The following PRELID2 variants were observed in gnomAD, a reference collection of about 807,000 sequenced individuals.
PRELID2 encodes the protein PRELI domain containing 2.
In PRELID2, 25 loss-of-function variants were observed where a neutral mutation model predicts 28.4. The observed-to-expected ratio is 0.88, with a 90% CI of 0.64 to 1.23. The LOEUF (loss-of-function observed/expected upper bound fraction) is 1.23, where lower values mean the gene tolerates loss of function less well. PRELID2 is among the 50% of genes most tolerant of loss of function. The pLI is 0.00. For missense variants in PRELID2, 201 were observed against 214.4 expected, an observed-to-expected ratio of 0.94 and a Z score of 0.39; for synonymous variants, 76 against 71.6, an observed-to-expected ratio of 1.06 and a Z score of -0.31.
chr5:145,502,103 T>C (rs1264259130), intron 1 of PRELID2, among the ~76,000 whole-genome samples: 2 of 152,060 alleles, frequency 1.3e-5, no homozygotes, highest in African/African-American at 2.4e-5. Context: ...AAAAGAGGTT[T>C]AATTGGCTCA....
At chr5:145,364,724 A>C in the PRELID2 span, among the ~76,000 whole-genome samples, 1 of 151,942 alleles carries the variant, frequency 6.6e-6, no homozygotes, top group Non-Finnish European at 1.5e-5. Flanking sequence ...ATTCTATGGT[A>C]TATGCAGACA....
the PRELID2 span, among the ~76,000 whole-genome samples, chr5:145,427,817 T>C: frequency 2.0e-5 from 3 of 152,140 alleles, no homozygotes; most frequent in African/African-American, 7.2e-5. Flanking sequence ...GAAGTTTAGA[T>C]TAGACGATAT....
chr5:145,835,293 G>A lies in PRELID2; in HGVS notation c.-42C>T, dbSNP rs1247853100. On this transcript the variant is annotated 5_prime_UTR_variant, in exon 1 of 7. Coordinates refer to ENST00000683046, the MANE Select transcript of PRELID2 (RefSeq NM_205846.3). Reference sequence around the variant, plus strand: ...CCCCGCGCACCGGCCACGCCTCCGCGAGCTCAGAGCTGCCCAGGGCTCCGC... The same window carrying A: ...CCCCGCGCACCGGCCACGCCTCCGCAAGCTCAGAGCTGCCCAGGGCTCCGC... The A allele has an allele frequency of 1.4e-6, 2 of 1,398,802 alleles. No homozygotes were observed. Among genetic ancestry groups the A allele is most frequent in the Non-Finnish European group, 2.0e-6 (2 of 1,013,676 alleles). The allele number at this position is 1,398,802 out of a possible 1,614,324, so 86.6% of individuals were successfully genotyped here.
intron 1 of PRELID2, among the ~76,000 whole-genome samples, chr5:145,725,006 GT>G (rs1561559252): frequency 6.6e-6 from 1 of 151,734 alleles, no homozygotes; most frequent in African/African-American, 2.4e-5. Context: ...GCCTCCCAAC[GT>G]GCTGGGATTA....
At chr5:145,296,399 T>C in the PRELID2 span, among the ~76,000 whole-genome samples, 3 of 139,016 alleles carry the variant, frequency 2.2e-5, no homozygotes, top group African/African-American at 7.9e-5. Flanking sequence ...TGTCCATGTG[T>C]TCTCATTGTT....
At chr5:145,820,766 A>C (rs1394514623) in intron 2 of PRELID2, among the ~76,000 whole-genome samples, 1 of 152,176 alleles carries the variant, frequency 6.6e-6, no homozygotes, top group African/African-American at 2.4e-5. Flanking sequence ...CAGGAGTGAA[A>C]GTTTATTTAA....
At chr5:145,247,199 G>C in the PRELID2 span, among the ~76,000 whole-genome samples, 1 of 152,038 alleles carries the variant, frequency 6.6e-6, no homozygotes, top group Non-Finnish European at 1.5e-5. Flanking sequence ...CTTTGACCCC[G>C]TTTGATTCCA....
At chr5:145,374,637 CT>C in the PRELID2 span, among the ~76,000 whole-genome samples, 132 of 152,176 alleles carry the variant, frequency 8.7e-4, no homozygotes, top group African/African-American at 3.1e-3. Flanking sequence ...CAGCTTTGGT[CT>C]TTTTATGAAG....
chr5:145,605,591 T>C (rs1411985422), intron 1 of PRELID2, among the ~76,000 whole-genome samples: 1 of 152,170 alleles, frequency 6.6e-6, no homozygotes, highest in African/African-American at 2.4e-5. Context: ...TAGTTTAGTT[T>C]GAAGTTGGGT....
At chr5:145,800,051 C>T (rs931580591) in intron 4 of PRELID2, among the ~76,000 whole-genome samples, 3 of 152,004 alleles carry the variant, frequency 2.0e-5, no homozygotes, top group Admixed American at 6.6e-5. Flanking sequence ...ATGAGAGCCA[C>T]GTCTCCTGTA....
At chr5:145,669,545 C>T (rs1754664740) in intron 1 of PRELID2, among the ~76,000 whole-genome samples, 1 of 152,156 alleles carries the variant, frequency 6.6e-6, no homozygotes, top group African/African-American at 2.4e-5. Flanking sequence ...GTTCTTGCCA[C>T]CTTCCAGTCT....
rs201919135 is a variant in PRELID2, at chr5:145,717,787, TG to T, written n.70+47143del. Reference sequence around the variant, plus strand: ...AAAATGGGCCCTAATATTTAATTTTTGTTAGCTAACCAAAGTGCTAAGATCA... The same window carrying T: ...AAAATGGGCCCTAATATTTAATTTTTTTAGCTAACCAAAGTGCTAAGATCA... On this transcript the variant is annotated intron_variant and non_coding_transcript_variant, in intron 1 of 2. Transcript: ENST00000510259. 4.2e-3 allele frequency among the ~76,000 whole-genome samples: 635 copies of T among 151,928 alleles called. 2 individuals carry two copies. The highest frequency in any genetic ancestry group is 0.014 in the African/African-American group (566 of 41,554).
chr5:145,340,802 C>T, the PRELID2 span, among the ~76,000 whole-genome samples: 15 of 95,086 alleles, frequency 1.6e-4, no homozygotes, highest in Admixed American at 2.3e-4. Context: ...TATATATATC[C>T]TCCCTATATC....
At chr5:145,610,738 A>C (rs1174792005) in intron 1 of PRELID2, among the ~76,000 whole-genome samples, 1 of 152,138 alleles carries the variant, frequency 6.6e-6, no homozygotes, top group Non-Finnish European at 1.5e-5. Flanking sequence ...CCTCTAAGAC[A>C]AGTATTTTCT....
At chr5:145,515,297 TA>T (rs1752505687) in intron 1 of PRELID2, among the ~76,000 whole-genome samples, 1 of 151,918 alleles carries the variant, frequency 6.6e-6, no homozygotes, top group South Asian at 2.1e-4. Context: ...ATAGACACAA[TA>T]AAAAATGATA....
intron 1 of PRELID2, among the ~76,000 whole-genome samples, chr5:145,592,546 G>A (rs1753246718): frequency 6.6e-6 from 1 of 152,064 alleles, no homozygotes; most frequent in South Asian, 2.1e-4. Context: ...TTGTAGACAA[G>A]TGTGCAAAAT....
At chr5:145,617,733 T>G (rs1753719168) in intron 1 of PRELID2, among the ~76,000 whole-genome samples, 1 of 131,392 alleles carries the variant, frequency 7.6e-6, no homozygotes, top group African/African-American at 3.6e-5. Context: ...TTTTCTTTCT[T>G]TTTTTTTTTT....
At chr5:145,542,846 G>C (rs1023100530) in intron 1 of PRELID2, among the ~76,000 whole-genome samples, 1 of 144,426 alleles carries the variant, frequency 6.9e-6, no homozygotes, top group Non-Finnish European at 1.5e-5. Context: ...TACATGGTAC[G>C]CTTTTGTTAA....
intron 1 of PRELID2, among the ~76,000 whole-genome samples, chr5:145,621,474 A>T (rs6872440): frequency 0.18 from 26,787 of 152,150 alleles, 3,917 homozygotes; most frequent in African/African-American, 0.39. Context: ...TTAGTGATAA[A>T]AGCCAAAAAA....
Sources: gnomAD v4.1 joint callset for allele counts (sites outside exome capture counted in the v4.1 genomes callset) on GRCh38, gnomAD v4.1.1 for gene constraint, MANE v1.5 for transcripts, NCBI Gene and HGNC (gene_info 2026-07-23, HGNC 2026-07-21) for gene names.